Variants in TUSC3 observed in about 807,000 individuals in gnomAD.
The protein encoded by TUSC3 is tumor suppressor candidate 3, also known as dolichyl-diphosphooligosaccharide--protein glycosyltransferase subunit TUSC3.
TUSC3 carries 45 observed loss-of-function variants against 44.8 expected under a neutral mutation model. That is an observed-to-expected ratio of 1.00 (90% CI 0.79 to 1.29). TUSC3 has a LOEUF of 1.29. TUSC3 is among the 50% of genes most tolerant of loss of function. TUSC3 has a pLI of 0.00. For missense variants in TUSC3, 519 were observed against 437.9 expected (o/e 1.19, Z -1.65); for synonymous variants, 212 against 152.9 (o/e 1.39, Z -2.85).
the TUSC3 span, among the ~76,000 whole-genome samples, chr8:15,816,622 A>T: frequency 5.9e-5 from 9 of 152,286 alleles, no homozygotes; most frequent in South Asian, 2.1e-4. Flanking sequence ...TGCCCAAACT[A>T]CCAGTTCATT....
intron 9 of TUSC3, among the ~76,000 whole-genome samples, chr8:15,757,072 G>T (rs1179744572): frequency 1.3e-5 from 2 of 152,140 alleles, no homozygotes; most frequent in Non-Finnish European, 2.9e-5. Context: ...GGAGTTTGAG[G>T]CTGCAAGTGA....
chr8:15,737,841 A>G (rs928225329), intron 7 of TUSC3, among the ~76,000 whole-genome samples: 1 of 152,182 alleles, frequency 6.6e-6, no homozygotes, highest in African/African-American at 2.4e-5. Context: ...ATGATCATCT[A>G]GCTTCTTCCT....
At chr8:15,644,347 G>A (rs933644125) in intron 2 of TUSC3, among the ~76,000 whole-genome samples, 1 of 152,154 alleles carries the variant, frequency 6.6e-6, no homozygotes, top group Non-Finnish European at 1.5e-5. Context: ...CATTCATGAA[G>A]TTAGGCCTTT....
At chr8:15,522,664 T>C (rs1563273332) in intron 2 of TUSC3, among the ~76,000 whole-genome samples, 1 of 151,916 alleles carries the variant, frequency 6.6e-6, no homozygotes. Context: ...GTTTCCCTAC[T>C]CCATCTCTAC....
At chr8:15,540,725 G>A (rs1267626766) in intron 1 of TUSC3, among the ~76,000 whole-genome samples, 157 bp downstream of exon 1, 2 of 152,144 alleles carry the variant, frequency 1.3e-5, no homozygotes, top group Non-Finnish European at 2.9e-5. Context: ...GCCCTGGGGC[G>A]TTTCCGGGAC....
Position 15,426,329 on chromosome 8 carries a change from C to A in TUSC3, n.91+9024C>A, listed in dbSNP as rs1013329474. Among the ~76,000 whole-genome samples the A allele has an allele frequency of 1.6e-4, 25 of 152,284 alleles. No homozygotes were observed. The East Asian group carries it at 4.3e-3, about 26-fold the overall frequency. Reference sequence around the variant, plus strand: ...ACCATATTGTTAACTATAGGCACTACGTTAGACAGCTGATTTCTAGAACTT... The same window carrying A: ...ACCATATTGTTAACTATAGGCACTAAGTTAGACAGCTGATTTCTAGAACTT... On this transcript the variant is annotated intron_variant and non_coding_transcript_variant, in intron 1 of 5. Coordinates refer to the TUSC3 transcript ENST00000503191.
At chr8:15,824,119 A>T in the TUSC3 span, among the ~76,000 whole-genome samples, 3 of 152,242 alleles carry the variant, frequency 2.0e-5, no homozygotes, top group Non-Finnish European at 2.9e-5. Context: ...CAGTAAGTGC[A>T]GAGTGGCCCT....
rs1319801862 is a variant in TUSC3 at position 15,739,800 on chromosome 8, C to T, written c.863-3738C>T. Among the ~76,000 whole-genome samples the T allele has an allele frequency of 2.0e-5, 3 of 152,296 alleles. No homozygotes were observed. In the East Asian group the frequency reaches 5.8e-4, roughly 29 times the overall value. On this transcript the variant is annotated intron_variant, in intron 7 of 10. Transcript: ENST00000503731. ...TTTGCCCAATGCTTGTTATCATTTT[C>T]ATCTAATCCTGATATCATCTTACTT...
rs116468213 is a variant in TUSC3 at position 15,445,321 on chromosome 8, T to A, written n.91+28016T>A. Among the ~76,000 whole-genome samples the A allele has an allele frequency of 5.2e-3, 794 of 152,284 alleles. 6 individuals are homozygous for A. Among genetic ancestry groups the A allele is most frequent in the Middle Eastern group, 0.02 (6 of 294 alleles). On this transcript the variant is annotated intron_variant and non_coding_transcript_variant, in intron 1 of 5. Coordinates refer to the TUSC3 transcript ENST00000503191. ...TGATCTATCCCAGGATTTTATTTTTTTTTTTTTTAGTATTTATTGATCATT... is the reference window on the plus strand; with the variant it reads ...TGATCTATCCCAGGATTTTATTTTTATTTTTTTTAGTATTTATTGATCATT...
At chr8:15,783,857 G>A in the TUSC3 span, among the ~76,000 whole-genome samples, 1 of 152,000 alleles carries the variant, frequency 6.6e-6, no homozygotes, top group Non-Finnish European at 1.5e-5. Context: ...TCTGCAAATG[G>A]GATTACGTGA....
the TUSC3 span, among the ~76,000 whole-genome samples, chr8:15,815,907 A>G: frequency 6.6e-6 from 1 of 152,208 alleles, no homozygotes. Context: ...CAATTAATAC[A>G]GTAGAAGTTC....
At chr8:15,696,464 T>C (rs1284834660) in intron 6 of TUSC3, among the ~76,000 whole-genome samples, 4 of 152,170 alleles carry the variant, frequency 2.6e-5, no homozygotes, top group East Asian at 3.9e-4. Flanking sequence ...GAACCTCTGC[T>C]AGAGCACTGT....
rs118058071 is a variant in TUSC3 at position 15,651,361 on chromosome 8, G to C, written c.426+547G>C. Among the ~76,000 whole-genome samples the C allele has an allele frequency of 1.6e-4, 25 of 152,182 alleles. No individual in the cohort carries two copies. The East Asian group carries it at 4.8e-3, about 29-fold the overall frequency. On this transcript the variant is annotated intron_variant, in intron 3 of 10. Coordinates refer to ENST00000503731, the MANE Select transcript of TUSC3 (RefSeq NM_006765.4). ...TGGCAGATAGTATTTTACATATAGA[G>C]GATTAAATATTTATTGACAAGTATT...
intron 2 of TUSC3, among the ~76,000 whole-genome samples, chr8:15,630,085 C>G (rs1245048585): frequency 6.6e-6 from 1 of 152,080 alleles, no homozygotes; most frequent in African/African-American, 2.4e-5. Flanking sequence ...ATGTATTCTC[C>G]TACAAAGTTA....
chr8:15,422,531 T>C (rs527822106), intron 1 of TUSC3, among the ~76,000 whole-genome samples: 1 of 152,336 alleles, frequency 6.6e-6, no homozygotes, highest in Non-Finnish European at 1.5e-5. Context: ...CTATAGTTGA[T>C]AACAATGTGT....
intron 6 of TUSC3, among the ~76,000 whole-genome samples, chr8:15,688,146 A>T (rs2129188365): frequency 6.6e-6 from 1 of 152,228 alleles, no homozygotes; most frequent in South Asian, 2.1e-4. Context: ...CTGTGGTCTT[A>T]AAAAAACCAA....
At chr8:15,796,657 A>G in the TUSC3 span, among the ~76,000 whole-genome samples, 4 of 152,252 alleles carry the variant, frequency 2.6e-5, no homozygotes, top group African/African-American at 9.6e-5. Flanking sequence ...TGAAGGCTCC[A>G]CTGAGGTAGC....
At chr8:15,484,641 A>C (rs1019221261) in intron 2 of TUSC3, among the ~76,000 whole-genome samples, 4 of 152,236 alleles carry the variant, frequency 2.6e-5, no homozygotes, top group Non-Finnish European at 5.9e-5. Context: ...ATTTGGCAAT[A>C]TGTTGTATTA....
At position 15,515,812 on chromosome 8, in the gene TUSC3, C is replaced by G. The variant is rs373958617; in HGVS notation, n.189+32329C>G. ...CTTCCCAAGTAGCTGGGACTACAGT[C>G]TCTCGCCACCACACCCGGCTATTTT... On this transcript the variant is annotated intron_variant and non_coding_transcript_variant, in intron 2 of 5. Coordinates refer to the TUSC3 transcript ENST00000503191. Among the ~76,000 whole-genome samples the G allele has an allele frequency of 1.8e-4, 28 of 152,070 alleles. 1 individual carries two copies. Among genetic ancestry groups the G allele is most frequent in the East Asian group, 9.7e-4 (5 of 5,154 alleles).
Sources: gnomAD v4.1 joint callset for allele counts (sites outside exome capture counted in the v4.1 genomes callset) on GRCh38, gnomAD v4.1.1 for gene constraint, MANE v1.5 for transcripts, NCBI Gene and HGNC (gene_info 2026-07-23, HGNC 2026-07-21) for gene names.